SASH1: variants seen among roughly 807,000 people sequenced by gnomAD.
SASH1 encodes the protein SAM and SH3 domain-containing protein 1.
A neutral mutation model predicts 125.2 loss-of-function variants in SASH1; 44 were observed. The observed-to-expected ratio is 0.35, with a 90% CI of 0.28 to 0.45. The LOEUF is 0.45. Ranked by LOEUF, SASH1 falls within the 20% of genes least tolerant of loss-of-function variation. The pLI is 1.00. For synonymous variants in SASH1, 639 were observed against 649.1 expected, an observed-to-expected ratio of 0.98 and a Z score of 0.24; for missense variants, 1,426 against 1,614.5, an observed-to-expected ratio of 0.88 and a Z score of 2.00.
chr6:148,421,126 A>AAAGG (rs148595857), intron 2 of SASH1, among the ~76,000 whole-genome samples: 4,175 of 82,130 alleles, frequency 0.051, 360 homozygotes, highest in African/African-American at 0.059. Context: ...AGAAAGGAAG[A>AAAGG]AAGGAAGGAA....
chr6:148,452,358 G>A (rs1293793621), intron 4 of SASH1, among the ~76,000 whole-genome samples: 1 of 152,154 alleles, frequency 6.6e-6, no homozygotes, highest in Non-Finnish European at 1.5e-5. Flanking sequence ...CTCCCTCGTG[G>A]GCATGGTGAG....
At chr6:148,412,426 A>G (rs1165316344) in intron 2 of SASH1, among the ~76,000 whole-genome samples, 1 of 152,210 alleles carries the variant, frequency 6.6e-6, no homozygotes, top group Non-Finnish European at 1.5e-5. Flanking sequence ...GCTTTAAAAA[A>G]TGATATAAAG....
Position 148,544,916 on chromosome 6 carries a change from C to T in SASH1, c.3348+98C>T. ...CCCACATCTGAAGCCAGCCCGGTAG[C>T]CCGCCCAGTGGACAGGAGACACCTG... On this transcript the variant is annotated intron_variant, in intron 18 of 19. Coordinates refer to ENST00000367467, the MANE Select transcript of SASH1 (RefSeq NM_015278.5). This position sits in a 1 kb window ranked among gnomAD's most constrained non-coding sequence, Gnocchi z 6.4. 8.1e-7 allele frequency: 1 copy of T among 1,229,070 alleles called. No homozygotes were observed. Among genetic ancestry groups the T allele is most frequent in the Non-Finnish European group, 1.1e-6 (1 of 900,788 alleles). 76.1% of individuals were successfully genotyped at this position (1,229,070 alleles called of 1,614,324 possible).
the SASH1 span, among the ~76,000 whole-genome samples, chr6:148,233,754 A>AAAAAAAAAAAAAAAC: frequency 6.8e-6 from 1 of 146,688 alleles, no homozygotes; most frequent in Non-Finnish European, 1.5e-5. Context: ...AAAAAAAAAA[A>AAAAAAAAAAAAAAAC]AAAAAAAAAT....
At chr6:148,498,768 T>C (rs948025186) in intron 8 of SASH1, among the ~76,000 whole-genome samples, 1 of 152,258 alleles carries the variant, frequency 6.6e-6, no homozygotes, top group East Asian at 1.9e-4. Context: ...ATTGTGCTCT[T>C]GGGAACAACG....
At chr6:148,380,433 T>C (rs1248897248) in intron 1 of SASH1, among the ~76,000 whole-genome samples, 1 of 152,212 alleles carries the variant, frequency 6.6e-6, no homozygotes, top group Non-Finnish European at 1.5e-5. Context: ...CTCACGTTTG[T>C]GTGCCAAAAA....
intron 4 of SASH1, among the ~76,000 whole-genome samples, chr6:148,454,707 G>T (rs979618901): frequency 1.8e-4 from 28 of 152,212 alleles, no homozygotes; most frequent in African/African-American, 6.5e-4. Flanking sequence ...TCAGCGTGAG[G>T]AGGTGGGCTG....
rs878926428 is a variant in SASH1, at chr6:148,533,699, A to T, written c.1735-72A>T. 6 of 1,400,170 alleles carry T rather than the reference A, an allele frequency of 4.3e-6. No individual in the cohort carries two copies. The African/African-American group carries it at 7.1e-5, about 17-fold the overall frequency. 86.7% of individuals were successfully genotyped at this position (1,400,170 alleles called of 1,614,324 possible). A position where few individuals can be genotyped will look rare whatever the true frequency, so the allele number is the denominator to read the frequency against. ...ATCTTCACTTCTGCATGACCTGTGT[A>T]TCTGACAGATTCTTGATTTGTACGT... On this transcript the variant is annotated intron_variant, in intron 14 of 19. Transcript: ENST00000367467. The surrounding 1 kb of genome is among the most constrained non-coding windows in gnomAD (Gnocchi z 6.2).
At chr6:148,357,218 G>A (rs1781980908) in intron 1 of SASH1, among the ~76,000 whole-genome samples, 1 of 152,148 alleles carries the variant, frequency 6.6e-6, no homozygotes, top group Admixed American at 6.6e-5. Flanking sequence ...GAAACTTCCT[G>A]TTGTTGGCAT....
At chr6:148,535,426 G>A (rs948896085) in intron 16 of SASH1, among the ~76,000 whole-genome samples, 20 of 152,312 alleles carry the variant, frequency 1.3e-4, no homozygotes, top group African/African-American at 4.8e-4. Context: ...CTCAGCCAAA[G>A]CTTGATTACT....
chr6:148,486,954 TA>T (rs1778878513), intron 7 of SASH1, among the ~76,000 whole-genome samples: 1 of 16,044 alleles, frequency 6.2e-5, no homozygotes, highest in African/African-American at 1.9e-4. Context: ...TATATATATA[TA>T]TATATATATA....
intron 9 of SASH1, among the ~76,000 whole-genome samples, chr6:148,515,227 A>G (rs1934088): frequency 0.28 from 42,603 of 152,058 alleles, 6,310 homozygotes; most frequent in East Asian, 0.53. Context: ...AATGAAAATA[A>G]TTGAATTGGA....
rs572930319 is a variant in SASH1, at chr6:148,548,379, A to G, written c.3565A>G (p.Ile1189Val). ...GTCTGTGTCAGATTGGCTCATTTCCATCGGTCTGCCCATGTACGCCGGCAC... is the reference window on the plus strand; with the variant it reads ...GTCTGTGTCAGATTGGCTCATTTCCGTCGGTCTGCCCATGTACGCCGGCAC... Reference protein sequence around the residue: ...ISSVSDWLISIGLPMYAGTLS... With the variant: ...ISSVSDWLISVGLPMYAGTLS... The change falls in exon 20 of 20, where the codon ATC becomes GTC. Residue 1189 changes from isoleucine to valine, a missense_variant. Ile to Val is a conservative substitution (Grantham distance 29). Around this residue, in one of 3 missense-constraint regions of SASH1, gnomAD observed 634 missense variants for 694.4 expected, o/e 0.91. Coordinates refer to ENST00000367467, the MANE Select transcript of SASH1 (RefSeq NM_015278.5). 4 of 1,614,110 alleles carry G rather than the reference A, an allele frequency of 2.5e-6. No homozygotes were observed. Among genetic ancestry groups the G allele is most frequent in the Non-Finnish European group, 3.4e-6 (4 of 1,180,000 alleles).
intron 1 of SASH1, among the ~76,000 whole-genome samples, chr6:148,332,015 G>A (rs558255334): frequency 1.3e-5 from 2 of 152,110 alleles, no homozygotes; most frequent in Non-Finnish European, 2.9e-5. Context: ...CATCCCTGCA[G>A]CCTCACTTTG....
chr6:148,352,021 T>C (rs1339960141), intron 1 of SASH1, among the ~76,000 whole-genome samples: 2 of 152,120 alleles, frequency 1.3e-5, no homozygotes, highest in Non-Finnish European at 2.9e-5. Context: ...AAAAAAAGTT[T>C]TGAAAGAGAA....
the SASH1 span, among the ~76,000 whole-genome samples, chr6:148,243,896 T>G: frequency 1.3e-5 from 2 of 152,260 alleles, no homozygotes; most frequent in African/African-American, 4.8e-5. Flanking sequence ...CATTAGGCTA[T>G]GCAGGGAGAC....
At chr6:148,374,761 G>A (rs371417048) in intron 1 of SASH1, among the ~76,000 whole-genome samples, 5 of 151,778 alleles carry the variant, frequency 3.3e-5, no homozygotes, top group Middle Eastern at 3.4e-3. Context: ...GCAGTGGTGC[G>A]ATCTCAGCTC....
At chr6:148,346,097 A>G (rs947084811) in intron 1 of SASH1, among the ~76,000 whole-genome samples, 1 of 152,212 alleles carries the variant, frequency 6.6e-6, no homozygotes, top group African/African-American at 2.4e-5. Flanking sequence ...CACACAGCTT[A>G]TCAATACTGT....
rs1782146749 is a variant in SASH1 at position 148,540,445 on chromosome 6, A to G, written c.2098A>G (p.Asn700Asp). The G allele has an allele frequency of 6.2e-7, 1 of 1,613,434 alleles. No individual in the cohort carries two copies. Among genetic ancestry groups the G allele is most frequent in the Non-Finnish European group, 8.5e-7 (1 of 1,179,530 alleles). The change falls in exon 17 of 20, where the codon AAC becomes GAC. Residue 700 changes from asparagine (N) to aspartate (D), a missense_variant and splice_region_variant. Asn to Asp is a conservative substitution (Grantham distance 23). This residue lies in a region of SASH1 where 225 missense variants were observed against 344.5 expected (regional missense o/e 0.65). Transcript: ENST00000367467. ...AVELLQEYDS[N>D]SDQSGSQEKL... is the part of the protein sequence containing the mutation. ...TCATGCCGTGTTCTCTCCTCTAGGTAACAGCGACCAGTCAGGATCCCAGGA... is the reference window on the plus strand; with the variant it reads ...TCATGCCGTGTTCTCTCCTCTAGGTGACAGCGACCAGTCAGGATCCCAGGA...
Sources: allele counts gnomAD v4.1 joint callset (sites outside exome capture counted in the v4.1 genomes callset), GRCh38; gene constraint gnomAD v4.1.1; regional missense constraint gnomAD v4.1.1; non-coding constraint Gnocchi (gnomAD v3.1); transcripts MANE v1.5; gene names NCBI Gene and HGNC (gene_info 2026-07-23, HGNC 2026-07-21).